The following TTC28 variants were observed in gnomAD, a reference collection of about 807,000 sequenced individuals.
The protein encoded by TTC28 is tetratricopeptide repeat domain 28.
Under a neutral mutation model 198.0 loss-of-function variants are expected in TTC28, and 61 were observed. The ratio of observed to expected loss-of-function variants is 0.31; its 90% CI spans 0.25 to 0.38. TTC28 has a LOEUF of 0.38. Among genes scored for constraint, TTC28 ranks in the 10% least tolerant of loss-of-function variants. The probability of loss-of-function intolerance (pLI) is 1.00; values close to 1 mark genes in which losing one functional copy is unlikely to be tolerated. For missense variants in TTC28, 2,678 were observed against 3,164.0 expected, an observed-to-expected ratio of 0.85 and a Z score of 3.69; for synonymous variants, 1,171 against 1,297.8, an observed-to-expected ratio of 0.90 and a Z score of 2.10.
intron 2 of TTC28, among the ~76,000 whole-genome samples, chr22:28,383,476 A>C (rs1478765952): frequency 6.6e-6 from 1 of 152,158 alleles, no homozygotes; most frequent in Non-Finnish European, 1.5e-5. Context: ...TGTACACTCA[A>C]ATCTCCACTT....
intron 14 of TTC28, among the ~76,000 whole-genome samples, chr22:28,012,441 G>A (rs923251375): frequency 6.6e-6 from 1 of 152,154 alleles, no homozygotes; most frequent in Non-Finnish European, 1.5e-5. Context: ...CTCGGAAGAG[G>A]TATCTGGGCA....
intron 2 of TTC28, among the ~76,000 whole-genome samples, chr22:28,604,020 G>A (rs2050684553): frequency 6.6e-6 from 1 of 152,024 alleles, no homozygotes; most frequent in Non-Finnish European, 1.5e-5. Flanking sequence ...GCACACATCT[G>A]TAATCCCAGC....
chr22:28,037,726 G>T (rs867921373), intron 12 of TTC28, among the ~76,000 whole-genome samples: 18 of 152,208 alleles, frequency 1.2e-4, no homozygotes, highest in African/African-American at 2.6e-4. Context: ...GGAAGTCAAA[G>T]TGTCCCTGTT....
chr22:28,608,905 T>C (rs2050775917), intron 2 of TTC28, among the ~76,000 whole-genome samples: 1 of 152,004 alleles, frequency 6.6e-6, no homozygotes, highest in Non-Finnish European at 1.5e-5. Context: ...CAAAAGCCAA[T>C]AACAACAACA....
At chr22:28,262,237 G>C (rs966133869) in intron 5 of TTC28, among the ~76,000 whole-genome samples, 1 of 152,030 alleles carries the variant, frequency 6.6e-6, no homozygotes, top group Non-Finnish European at 1.5e-5. Flanking sequence ...GAGACACCTT[G>C]GTGTCTCATT....
intron 2 of TTC28, among the ~76,000 whole-genome samples, chr22:28,523,190 G>T (rs1366069554): frequency 1.3e-5 from 2 of 151,988 alleles, no homozygotes; most frequent in East Asian, 3.9e-4. Context: ...CAAACCAAAA[G>T]AAAGCTGGCA....
intron 5 of TTC28, among the ~76,000 whole-genome samples, chr22:28,165,352 G>A (rs1921801765): frequency 6.6e-6 from 1 of 152,110 alleles, no homozygotes; most frequent in African/African-American, 2.4e-5. Context: ...TCCTCGAGAA[G>A]AGCAACGCCA....
At chr22:28,065,116 G>A (rs982773087) in intron 12 of TTC28, among the ~76,000 whole-genome samples, 1 of 152,256 alleles carries the variant, frequency 6.6e-6, no homozygotes, top group Non-Finnish European at 1.5e-5. Context: ...ATAGCGGCTT[G>A]GCAGCAGCTG....
At chr22:28,075,313 A>C (rs897972494) in intron 12 of TTC28, among the ~76,000 whole-genome samples, 1 of 152,096 alleles carries the variant, frequency 6.6e-6, no homozygotes, top group Non-Finnish European at 1.5e-5. Flanking sequence ...GCACAAGACG[A>C]GTCTACAGTG....
At chr22:28,612,324 A>G (rs1167213679) in intron 2 of TTC28, among the ~76,000 whole-genome samples, 1 of 152,208 alleles carries the variant, frequency 6.6e-6, no homozygotes, top group African/African-American at 2.4e-5. Context: ...AGATTCATAA[A>G]GCAAGTCCTT....
intron 2 of TTC28, among the ~76,000 whole-genome samples, chr22:28,490,313 A>T (rs549999228): frequency 6.3e-4 from 96 of 152,132 alleles, no homozygotes; most frequent in African/African-American, 2.0e-3. Context: ...AAGTAACAAC[A>T]TTTTTTTTCT....
Position 28,310,145 on chromosome 22 carries a change from C to T in TTC28, c.382-3502G>A, listed in dbSNP as rs2045228775. Among the ~76,000 whole-genome samples, 7 of 124,302 alleles carry T rather than the reference C, an allele frequency of 5.6e-5. No individual in the cohort carries two copies. The Admixed American group carries it at 5.7e-4, about 10-fold the overall frequency. 81.5% of individuals were successfully genotyped at this position (124,302 alleles called of 152,430 possible). A position where few individuals can be genotyped will look rare whatever the true frequency, so the allele number is the denominator to read the frequency against. On this transcript the variant is annotated intron_variant, in intron 2 of 22. Coordinates refer to ENST00000397906, the MANE Select transcript of TTC28 (RefSeq NM_001145418.2). The stretch of plus-strand genomic sequence containing the variant: ...GGCACTGTGACACATAACACACACA[C>T]ACACACACACACACACACACACACA...
chr22:28,154,728 G>A (rs765843539), intron 6 of TTC28, among the ~76,000 whole-genome samples: 6 of 151,974 alleles, frequency 3.9e-5, no homozygotes, highest in Non-Finnish European at 7.4e-5. Context: ...AAAATAGCTA[G>A]GCTACACTTT....
intron 8 of TTC28, 94 bp from the exon 9 acceptor site, chr22:28,101,374 T>C: frequency 9.0e-7 from 1 of 1,114,944 alleles, no homozygotes; most frequent in Non-Finnish European, 1.3e-6. Flanking sequence ...TTTGTGTTTT[T>C]GTTTGTTTTG....
intron 1 of TTC28, among the ~76,000 whole-genome samples, chr22:28,677,029 C>T (rs946719342): frequency 3.3e-5 from 5 of 151,272 alleles, no homozygotes; most frequent in African/African-American, 1.2e-4. Flanking sequence ...GCGGTGGGCA[C>T]CTGTATTCCC....
intron 2 of TTC28, among the ~76,000 whole-genome samples, chr22:28,532,711 A>T (rs2049167435): frequency 6.6e-6 from 1 of 152,192 alleles, no homozygotes; most frequent in Non-Finnish European, 1.5e-5. Context: ...TATCCATCAC[A>T]ATCAAGTTGG....
chr22:28,575,785 T>C (rs369233523), intron 2 of TTC28, among the ~76,000 whole-genome samples: 1 of 152,170 alleles, frequency 6.6e-6, no homozygotes, highest in African/African-American at 2.4e-5. Context: ...GAGATTACTT[T>C]TTTTATTGCT....
chr22:28,168,934 GC>G (rs1922336766), intron 5 of TTC28, among the ~76,000 whole-genome samples: 1 of 152,112 alleles, frequency 6.6e-6, no homozygotes, highest in Non-Finnish European at 1.5e-5. Flanking sequence ...TTGACAAAGG[GC>G]TAATATCCAG....
intron 2 of TTC28, among the ~76,000 whole-genome samples, chr22:28,600,540 A>G (rs2050623296): frequency 6.6e-6 from 1 of 152,218 alleles, no homozygotes; most frequent in Admixed American, 6.5e-5. Flanking sequence ...ATTCTTTCCA[A>G]TTGTGCAGTT....
Sources: gnomAD v4.1 joint callset for allele counts (sites outside exome capture counted in the v4.1 genomes callset) on GRCh38, gnomAD v4.1.1 for gene constraint, MANE v1.5 for transcripts, NCBI Gene and HGNC (gene_info 2026-07-23, HGNC 2026-07-21) for gene names.